RGL3: variants seen among roughly 807,000 people sequenced by gnomAD.
The protein encoded by RGL3 is ral guanine nucleotide dissociation stimulator like 3.
A neutral mutation model predicts 90.6 loss-of-function variants in RGL3; 85 were observed. The ratio of observed to expected loss-of-function variants is 0.94; its 90% CI spans 0.79 to 1.12. RGL3 has a LOEUF of 1.12. RGL3 is among the 50% of genes most tolerant of loss of function. The pLI is 0.00. For synonymous variants in RGL3, 408 were observed against 385.5 expected (o/e 1.06, Z -0.68); for missense variants, 1,034 against 939.2 (o/e 1.10, Z -1.32).
intron 11 of RGL3, 68 bp from the exon 12 acceptor site, chr19:11,402,315 G>A: frequency 6.2e-7 from 1 of 1,604,066 alleles, no homozygotes. Flanking sequence ...TCAGGGGCTG[G>A]GATGTCAGGA....
chr19:11,396,541 G>A lies in RGL3; in HGVS notation c.2014+703C>T, dbSNP rs183085199. On this transcript the variant is annotated intron_variant, in intron 18 of 18. Transcript: ENST00000380456. The stretch of plus-strand genomic sequence containing the variant: ...GGCTGGTCTCAAACTCCTGAGCTCA[G>A]ACAATCCACCCACCTTGACCTCCCA... 4.1e-3 allele frequency among the ~76,000 whole-genome samples: 623 copies of A among 150,566 alleles called. 3 individuals carry two copies. The highest frequency in any genetic ancestry group is 3.5e-3 in the Non-Finnish European group (240 of 67,668).
chr19:11,405,615 C>G (rs970668205), intron 7 of RGL3, among the ~76,000 whole-genome samples, 189 bp from the exon 8 acceptor site: 10 of 136,688 alleles, frequency 7.3e-5, no homozygotes, highest in African/African-American at 2.6e-4. Context: ...AATTCCTGGG[C>G]TTAAGCGATC....
intron 5 of RGL3, among the ~76,000 whole-genome samples, chr19:11,412,000 C>T: frequency 6.6e-6 from 1 of 151,982 alleles, no homozygotes; most frequent in South Asian, 2.1e-4. Context: ...AATAAAAGGG[C>T]CGGGCGCCAT....
intron 12 of RGL3, 22 bp from the exon 13 acceptor site, chr19:11,402,154 C>G: frequency 6.2e-7 from 1 of 1,610,980 alleles, no homozygotes; most frequent in Non-Finnish European, 8.5e-7. Flanking sequence ...GCCTCTAAGA[C>G]CCTACCCCTG....
rs1969054282 is a variant in RGL3 at position 11,418,854 on chromosome 19, C to G, written c.34-70G>C. On this transcript the variant is annotated intron_variant, in intron 1 of 18. Transcript: ENST00000380456. ...TGGGGCCTCAGCCTCCTTGGCCGCT[C>G]GGACTCGGGCCGAGTCCTCCTGCTG... is the stretch of plus-strand genomic sequence containing the variant. 2.4e-6 allele frequency: 3 copies of G among 1,276,014 alleles called. No homozygotes were observed. In the Admixed American group the frequency reaches 7.7e-5, roughly 33 times the overall value. The allele number at this position is 1,276,014 out of a possible 1,614,324, so 79.0% of individuals were successfully genotyped here.
At position 11,409,425 on chromosome 19, in the gene RGL3, A is replaced by G. The variant is rs12609956; in HGVS notation, c.638-2561T>C. ...GAACCGGCGAGGCGGAGCTTGCAGT[A>G]AGCCGAGATCATGCCACTGCACTCC... On this transcript the variant is annotated intron_variant, in intron 5 of 18. Transcript: ENST00000380456. 1.3e-3 allele frequency among the ~76,000 whole-genome samples: 200 copies of G among 152,064 alleles called. No homozygotes were observed. In the East Asian group the frequency reaches 0.032, roughly 25 times the overall value.
intron 9 of RGL3, 113 bp from the exon 10 acceptor site, chr19:11,402,819 A>AGTG: frequency 2.1e-6 from 2 of 943,276 alleles, no homozygotes; most frequent in Non-Finnish European, 3.2e-6. Flanking sequence ...ATCAAAAGTC[A>AGTG]GTGGTAGGCC....
In RGL3 at chr19:11,400,273, C is replaced by T. The variant is rs770129479; in HGVS notation, c.1509G>A (p.Glu503=). The change falls in exon 14 of 19, where the codon GAG becomes GAA. Residue 503 remains glutamate (E), a synonymous_variant. Coordinates refer to ENST00000380456, the MANE Select transcript of RGL3 (RefSeq NM_001035223.4). ...AGCTGGGGCAGGAGGCAGCTGGTGGCTCAATGACCCGGGAGAGCCGGTAGC... is the reference window on the plus strand; with the variant it reads ...AGCTGGGGCAGGAGGCAGCTGGTGGTTCAATGACCCGGGAGAGCCGGTAGC... ...EQSYRLSRVI[E]PPAASCPSSP... The T allele has an allele frequency of 5.6e-6, 9 of 1,596,064 alleles. No homozygotes were observed. The highest frequency in any genetic ancestry group is 6.8e-6 in the Non-Finnish European group (8 of 1,171,088).
At chr19:11,402,346 T>A (rs763185993) in intron 11 of RGL3, 99 bp from the exon 12 acceptor site, 4 of 1,571,216 alleles carry the variant, frequency 2.5e-6, no homozygotes, top group Non-Finnish European at 3.5e-6. Context: ...AGTAAGGGAG[T>A]GTGGGGTGGT....
intron 3 of RGL3, 41 bp downstream of exon 3, chr19:11,416,794 GT>G: frequency 7.5e-6 from 12 of 1,608,664 alleles, no homozygotes; most frequent in Non-Finnish European, 1.0e-5. Context: ...CCCAGTTGGG[GT>G]TCTAGGGTGG....
chr19:11,417,382 T>C (rs999094651), intron 2 of RGL3, among the ~76,000 whole-genome samples: 1 of 151,008 alleles, frequency 6.6e-6, no homozygotes, highest in Non-Finnish European at 1.5e-5. Flanking sequence ...ACTCCTGACC[T>C]CAAGTAATCT....
intron 9 of RGL3, among the ~76,000 whole-genome samples, chr19:11,404,392 G>A (rs879713884): frequency 1.6e-4 from 24 of 152,196 alleles, no homozygotes; most frequent in Non-Finnish European, 2.8e-4. Context: ...CAAGCGTCGT[G>A]GTGGGTGCCT....
intron 13 of RGL3, among the ~76,000 whole-genome samples, chr19:11,401,690 C>CT (rs1313271183): frequency 2.0e-5 from 3 of 151,838 alleles, no homozygotes; most frequent in Non-Finnish European, 4.4e-5. Flanking sequence ...TGTGAGCCAC[C>CT]GTGCCCAGCC....
At position 11,419,238 on chromosome 19, in the gene RGL3, C is replaced by T. The variant is rs761322671; in HGVS notation, c.33+8G>A. 8 of 1,593,722 alleles carry T rather than the reference C, an allele frequency of 5.0e-6. No homozygotes were observed. The highest frequency in any genetic ancestry group is 1.7e-5 in the Admixed American group (1 of 58,304). On this transcript the variant is annotated splice_region_variant and intron_variant, in intron 1 of 18. Coordinates refer to ENST00000380456, the MANE Select transcript of RGL3 (RefSeq NM_001035223.4). ...GATGCGGGGTCCGGGGATCCCTTGT[C>T]CCCTTACCAGGGCCAGCTCTTTGCC...
At position 11,397,161 on chromosome 19, in the gene RGL3, C is replaced by T; in HGVS notation, c.2014+83G>A. ...CTCACAGCCCTGTGAACCCGGGTAACCTTGGGCTCCATCCTTGGGCGTGGT... is the reference window on the plus strand; with the variant it reads ...CTCACAGCCCTGTGAACCCGGGTAATCTTGGGCTCCATCCTTGGGCGTGGT... On this transcript the variant is annotated intron_variant, in intron 18 of 18. Coordinates refer to ENST00000380456, the MANE Select transcript of RGL3 (RefSeq NM_001035223.4). The T allele has an allele frequency of 4.3e-6, 5 of 1,175,626 alleles. 1 individual carries two copies. In the South Asian group the frequency reaches 6.6e-5, roughly 16 times the overall value. 72.8% of individuals were successfully genotyped at this position (1,175,626 alleles called of 1,614,324 possible).
At chr19:11,414,624 C>G (rs941978263) in intron 5 of RGL3, among the ~76,000 whole-genome samples, 4 of 147,568 alleles carry the variant, frequency 2.7e-5, no homozygotes, top group African/African-American at 1.0e-4. Context: ...CCACTATAAT[C>G]TGGAGATTAA....
intron 11 of RGL3, 98 bp from the exon 12 acceptor site, chr19:11,402,345 G>C: frequency 2.5e-6 from 4 of 1,573,508 alleles, no homozygotes; most frequent in Non-Finnish European, 3.5e-6. Context: ...TAGTAAGGGA[G>C]TGTGGGGTGG....
Position 11,394,531 on chromosome 19 carries a change from G to C in RGL3, c.2015-11C>G. Reference sequence around the variant, plus strand: ...CAGGAATCAGGAGCACTGGTCAGGAGTGGAGATGGTGGTAATAGGCCCTCA... The same window carrying C: ...CAGGAATCAGGAGCACTGGTCAGGACTGGAGATGGTGGTAATAGGCCCTCA... On this transcript the variant is annotated splice_polypyrimidine_tract_variant and intron_variant, in intron 18 of 18. Transcript: ENST00000380456. The C allele has an allele frequency of 6.3e-7, 1 of 1,595,640 alleles. No individual in the cohort carries two copies. The highest frequency in any genetic ancestry group is 8.6e-7 in the Non-Finnish European group (1 of 1,163,438).
chr19:11,405,182 T>A lies in RGL3; in HGVS notation c.1150A>T (p.Asn384Tyr). Reference protein sequence around the residue: ...RKLSQIFSDENNHLSSREILF... With the variant: ...RKLSQIFSDEYNHLSSREILF... ...ATCTCTCTGCTGCTGAGGTGGTTGT[T>A]CTCATCGGAGAAAATCTGCGAAAGT... Residue 384 changes from asparagine to tyrosine, a missense_variant, in exon 9 of 19, where the codon AAC (asparagine) becomes TAC (tyrosine). By Grantham distance (143) the Asn-to-Tyr change is moderately radical (BLOSUM62 -2). Coordinates refer to ENST00000380456, the MANE Select transcript of RGL3 (RefSeq NM_001035223.4). 6.2e-7 allele frequency: 1 copy of A among 1,614,080 alleles called. No homozygotes were observed. The highest frequency in any genetic ancestry group is 8.5e-7 in the Non-Finnish European group (1 of 1,179,986).
Sources: allele counts gnomAD v4.1 joint callset (sites outside exome capture counted in the v4.1 genomes callset), GRCh38; gene constraint gnomAD v4.1.1; transcripts MANE v1.5; gene names NCBI Gene and HGNC (gene_info 2026-07-23, HGNC 2026-07-21).